The following NEGR1 variants were observed in gnomAD, a reference collection of about 807,000 sequenced individuals.
The protein encoded by NEGR1 is IgLON family member 4.
In NEGR1, 10 loss-of-function variants were observed where a neutral mutation model predicts 40.9. The ratio of observed to expected loss-of-function variants is 0.24; its 90% CI spans 0.15 to 0.42. NEGR1 has a LOEUF of 0.42. Among genes scored for constraint, NEGR1 ranks in the 10% least tolerant of loss-of-function variants. NEGR1 has a pLI of 1.00. For missense variants in NEGR1, 352 were observed against 438.9 expected (o/e 0.80, Z 1.77); for synonymous variants, 185 against 166.8 (o/e 1.11, Z -0.84).
intron 2 of NEGR1, among the ~76,000 whole-genome samples, chr1:71,828,537 C>T (rs186278742): frequency 1.3e-5 from 2 of 151,826 alleles, no homozygotes; most frequent in Middle Eastern, 3.4e-3. Context: ...TCCTTTGTCT[C>T]GCTCTCTTTT....
chr1:71,700,669 T>G (rs185451466), intron 3 of NEGR1, among the ~76,000 whole-genome samples: 1 of 152,086 alleles, frequency 6.6e-6, no homozygotes, highest in East Asian at 1.9e-4. Flanking sequence ...CCATGCAAAT[T>G]TATTTCCTTA....
At chr1:72,208,014 T>C (rs1653472452) in intron 1 of NEGR1, among the ~76,000 whole-genome samples, 1 of 151,774 alleles carries the variant, frequency 6.6e-6, no homozygotes, top group South Asian at 2.1e-4. Flanking sequence ...ACAATTCCAT[T>C]CCACATGATT....
intron 6 of NEGR1, among the ~76,000 whole-genome samples, chr1:71,564,684 T>G (rs941990386): frequency 1.3e-5 from 2 of 152,146 alleles, no homozygotes; most frequent in Admixed American, 1.3e-4. Context: ...TGACTATGTT[T>G]TATCAATTCT....
At chr1:71,783,766 T>C (rs545877075) in intron 2 of NEGR1, among the ~76,000 whole-genome samples, 44 of 152,264 alleles carry the variant, frequency 2.9e-4, no homozygotes, top group African/African-American at 1.0e-3. Context: ...CTCAATCTAT[T>C]CTGTCCTTCG....
At chr1:71,706,640 C>A (rs1653911428) in intron 3 of NEGR1, among the ~76,000 whole-genome samples, 1 of 151,226 alleles carries the variant, frequency 6.6e-6, no homozygotes, top group Non-Finnish European at 1.5e-5. Context: ...CTTTGTCTTG[C>A]ACCTTGAATA....
At chr1:71,587,727 A>G (rs1478788967) in intron 6 of NEGR1, among the ~76,000 whole-genome samples, 1 of 152,056 alleles carries the variant, frequency 6.6e-6, no homozygotes, top group Non-Finnish European at 1.5e-5. Context: ...TGTAGAACCT[A>G]TACTACAGTA....
At chr1:72,084,148 A>C (rs890501487) in intron 1 of NEGR1, among the ~76,000 whole-genome samples, 1 of 152,110 alleles carries the variant, frequency 6.6e-6, no homozygotes. Context: ...TATAGAGCAC[A>C]TAGCCTTTAC....
chr1:72,030,755 T>C (rs1243569502), intron 1 of NEGR1, among the ~76,000 whole-genome samples: 2 of 152,164 alleles, frequency 1.3e-5, no homozygotes, highest in Non-Finnish European at 2.9e-5. Context: ...AATTTTCAAG[T>C]CATTAGGATT....
intron 2 of NEGR1, among the ~76,000 whole-genome samples, chr1:71,931,813 T>C (rs1645857895): frequency 6.6e-6 from 1 of 152,198 alleles, no homozygotes; most frequent in Non-Finnish European, 1.5e-5. Flanking sequence ...ATATTTCATG[T>C]TTCTCAACAT....
At chr1:72,104,166 C>A (rs773097719) in intron 1 of NEGR1, among the ~76,000 whole-genome samples, 1 of 151,896 alleles carries the variant, frequency 6.6e-6, no homozygotes, top group Non-Finnish European at 1.5e-5. Context: ...TGCTGAAAGC[C>A]CCTCCCAAAG....
chr1:71,737,095 C>T (rs901274748), intron 3 of NEGR1, among the ~76,000 whole-genome samples: 4 of 152,090 alleles, frequency 2.6e-5, no homozygotes, highest in Admixed American at 1.3e-4. Context: ...TGTGTAAAAC[C>T]AGTCTTTCAA....
intron 6 of NEGR1, among the ~76,000 whole-genome samples, chr1:71,421,912 T>C (rs1224337450): frequency 6.9e-6 from 1 of 144,418 alleles, no homozygotes; most frequent in African/African-American, 2.4e-5. Flanking sequence ...ATCTCCTTGT[T>C]ACACTTTTTT....
At chr1:72,281,810 A>T (rs1258070759) in intron 1 of NEGR1, among the ~76,000 whole-genome samples, 1 of 152,120 alleles carries the variant, frequency 6.6e-6, no homozygotes, top group Non-Finnish European at 1.5e-5. Flanking sequence ...GAGAATGAGG[A>T]AGGAGAAAAG....
At chr1:71,683,311 G>C (rs1042652630) in intron 4 of NEGR1, among the ~76,000 whole-genome samples, 1 of 151,728 alleles carries the variant, frequency 6.6e-6, no homozygotes, top group African/African-American at 2.4e-5. Context: ...TCTTCTCTTT[G>C]CATCTTTCAT....
At chr1:72,128,066 C>T (rs561909861) in intron 1 of NEGR1, among the ~76,000 whole-genome samples, 1 of 152,076 alleles carries the variant, frequency 6.6e-6, no homozygotes, top group Non-Finnish European at 1.5e-5. Context: ...TTAGCAAATT[C>T]TTAAAGAATT....
intron 1 of NEGR1, among the ~76,000 whole-genome samples, chr1:72,200,283 T>C (rs989115909): frequency 1.3e-5 from 2 of 152,002 alleles, no homozygotes; most frequent in African/African-American, 4.8e-5. Context: ...CCATCAGCAG[T>C]GGGCTCGATA....
intron 2 of NEGR1, among the ~76,000 whole-genome samples, chr1:71,777,147 A>G (rs1054325019): frequency 2.6e-5 from 4 of 152,158 alleles, no homozygotes; most frequent in Non-Finnish European, 5.9e-5. Flanking sequence ...TCTTTGAGAA[A>G]CCAAATGTCT....
chr1:71,540,718 A>T (rs1348580986), intron 6 of NEGR1, among the ~76,000 whole-genome samples: 1 of 151,724 alleles, frequency 6.6e-6, no homozygotes, highest in Non-Finnish European at 1.5e-5. Flanking sequence ...AATGCTTGGA[A>T]TCTGTATCAG....
chr1:72,224,246 T>C (rs1239367953), intron 1 of NEGR1, among the ~76,000 whole-genome samples: 1 of 152,050 alleles, frequency 6.6e-6, no homozygotes, highest in African/African-American at 2.4e-5. Flanking sequence ...AAAATTTATC[T>C]TGAGAACTAT....
Sources: gnomAD v4.1 joint callset for allele counts (sites outside exome capture counted in the v4.1 genomes callset) on GRCh38, gnomAD v4.1.1 for gene constraint, MANE v1.5 for transcripts, NCBI Gene and HGNC (gene_info 2026-07-23, HGNC 2026-07-21) for gene names.